SLTM: variants seen among roughly 807,000 people sequenced by gnomAD.
SLTM encodes SAFB-like transcription modulator.
Under a neutral mutation model 134.6 loss-of-function variants are expected in SLTM, and 43 were observed. That is an observed-to-expected ratio of 0.32 (90% CI 0.25 to 0.41). The LOEUF is 0.41. Among genes scored for constraint, SLTM ranks in the 10% least tolerant of loss-of-function variants. The pLI is 1.00. For missense variants in SLTM, 1,055 were observed against 1,288.8 expected (o/e 0.82, Z 2.78); for synonymous variants, 424 against 432.3 (o/e 0.98, Z 0.24).
chr15:58,918,345 G>A (rs1327160792), intron 2 of SLTM, among the ~76,000 whole-genome samples: 1 of 152,068 alleles, frequency 6.6e-6, no homozygotes, highest in Non-Finnish European at 1.5e-5. Flanking sequence ...CCTAGTTCAA[G>A]CTTCAGTAAT....
Position 58,886,964 on chromosome 15 carries a change from G to T in SLTM, c.2835+11C>A. Reference sequence around the variant, plus strand: ...TGTGCAGGCTCGCGGCAAGCCTCCCGCAGCACTTACCTGTGATCCACCTCC... The same window carrying T: ...TGTGCAGGCTCGCGGCAAGCCTCCCTCAGCACTTACCTGTGATCCACCTCC... On this transcript the variant is annotated intron_variant, in intron 19 of 20. Transcript: ENST00000380516. 6.2e-7 allele frequency: 1 copy of T among 1,611,846 alleles called. No individual in the cohort carries two copies.
chr15:58,933,625 C>T lies in SLTM; in HGVS notation c.-60G>A, dbSNP rs1249417633. 69 of 1,458,824 alleles carry T rather than the reference C, an allele frequency of 4.7e-5. No individual in the cohort carries two copies. The highest frequency in any genetic ancestry group is 5.2e-5 in the Non-Finnish European group (57 of 1,105,974). The allele number at this position is 1,458,824 out of a possible 1,614,324, so 90.4% of individuals were successfully genotyped here. A position where few individuals can be genotyped will look rare whatever the true frequency, so the allele number is the denominator to read the frequency against. On this transcript the variant is annotated 5_prime_UTR_variant, in exon 1 of 21. Transcript: ENST00000380516. ...GGGCTGCAGGGCGGCGGCAGCAGCG[C>T]CAACTTCCACCCAGGCCTCGGCGGC...
At chr15:58,927,704 AC>A (rs1359764709) in intron 2 of SLTM, among the ~76,000 whole-genome samples, 63 of 152,302 alleles carry the variant, frequency 4.1e-4, no homozygotes, top group African/African-American at 1.3e-3. Context: ...TAAATGAAAA[AC>A]TATGTCCTGG....
At chr15:58,908,046 T>A (rs2035994790) in intron 5 of SLTM, among the ~76,000 whole-genome samples, 1 of 130,964 alleles carries the variant, frequency 7.6e-6, no homozygotes, top group African/African-American at 2.8e-5. Context: ...TACATATACA[T>A]AATTTCTTTT....
chr15:58,886,709 T>A (rs1409520916), intron 19 of SLTM, among the ~76,000 whole-genome samples: 3 of 152,230 alleles, frequency 2.0e-5, no homozygotes, highest in Admixed American at 6.5e-5. Context: ...AAATTAACAA[T>A]TCTTAAATTT....
Position 58,933,323 on chromosome 15 carries a change from G to A in SLTM, c.162+81C>T, listed in dbSNP as rs992654727. The A allele has an allele frequency of 2.1e-4, 302 of 1,439,034 alleles. 3 individuals are homozygous for A. In the African/African-American group the frequency reaches 4.0e-3, roughly 19 times the overall value. 89.1% of individuals were successfully genotyped at this position (1,439,034 alleles called of 1,614,324 possible). ...CAGGTCCCAGCGGCTGCGGGCAGCC[G>A]GAGGCTGCGGCGGAAGCGGGGCGCC... On this transcript the variant is annotated intron_variant, in intron 1 of 20. Transcript: ENST00000380516.
intron 5 of SLTM, among the ~76,000 whole-genome samples, 170 bp downstream of exon 5, chr15:58,912,393 G>A (rs774441290): frequency 7.2e-5 from 11 of 152,056 alleles, no homozygotes; most frequent in African/African-American, 2.2e-4. Context: ...GCTACCTAGC[G>A]CGCCCGACCT....
chr15:58,898,730 C>T, intron 8 of SLTM, 73 bp downstream of exon 8: 1 of 1,146,130 alleles, frequency 8.7e-7, no homozygotes, highest in Non-Finnish European at 1.3e-6. Flanking sequence ...AAAGAAAACA[C>T]CGCGCAACTA....
intron 5 of SLTM, among the ~76,000 whole-genome samples, chr15:58,903,188 C>T (rs1986256): frequency 4.6e-5 from 7 of 152,112 alleles, no homozygotes; most frequent in Admixed American, 2.0e-4. Flanking sequence ...GCTGAGCCAC[C>T]GTACACAGCC....
intron 20 of SLTM, among the ~76,000 whole-genome samples, chr15:58,880,539 C>T (rs115613375): frequency 6.6e-6 from 1 of 151,976 alleles, no homozygotes; most frequent in Non-Finnish European, 1.5e-5. Context: ...GCAACCTGTG[C>T]TTTTCTTTGT....
chr15:58,910,423 C>A (rs966534583), intron 5 of SLTM, among the ~76,000 whole-genome samples: 1 of 152,188 alleles, frequency 6.6e-6, no homozygotes, highest in African/African-American at 2.4e-5. Context: ...TTAAAGAAAA[C>A]TTCTCTAAAA....
intron 5 of SLTM, among the ~76,000 whole-genome samples, chr15:58,907,029 C>G (rs1357813880): frequency 1.3e-5 from 2 of 152,010 alleles, no homozygotes; most frequent in African/African-American, 4.8e-5. Context: ...ATGAATTTAC[C>G]TATAAAATGG....
chr15:58,922,394 A>AAAAAAAAAAAAC (rs2037123162), intron 2 of SLTM, among the ~76,000 whole-genome samples: 1 of 146,738 alleles, frequency 6.8e-6, no homozygotes, highest in African/African-American at 2.5e-5. Context: ...AAAAAAAAAA[A>AAAAAAAAAAAAC]AAAAAGCTAT....
chr15:58,894,350 A>T, intron 10 of SLTM, 83 bp downstream of exon 10: 1 of 1,502,146 alleles, frequency 6.7e-7, no homozygotes, highest in Non-Finnish European at 9.1e-7. Context: ...TGCAAATTCT[A>T]CTCCCTGCTA....
At chr15:58,922,266 A>G (rs906022927) in intron 2 of SLTM, among the ~76,000 whole-genome samples, 1 of 142,992 alleles carries the variant, frequency 7.0e-6, no homozygotes, top group Admixed American at 7.6e-5. Flanking sequence ...AATCCCAGCT[A>G]TTTGGGAGGC....
At chr15:58,896,578 T>A (rs1179896115) in intron 9 of SLTM, among the ~76,000 whole-genome samples, 1 of 151,884 alleles carries the variant, frequency 6.6e-6, no homozygotes, top group Admixed American at 6.6e-5. Context: ...AAAAAAAAAG[T>A]TTATATATAA....
chr15:58,910,742 TC>T (rs372248345), intron 5 of SLTM, among the ~76,000 whole-genome samples: 3 of 146,054 alleles, frequency 2.1e-5, no homozygotes, highest in Admixed American at 6.8e-5. Flanking sequence ...TCTCATAGAT[TC>T]TTTTTTTTTT....
chr15:58,894,190 T>TCAGG lies in SLTM; in HGVS notation c.1380_1381insCCTG (p.Lys461ProfsTer4). 1 of 1,603,294 alleles carries TCAGG rather than the reference T, an allele frequency of 6.2e-7. No individual in the cohort carries two copies. The highest frequency in any genetic ancestry group is 8.5e-7 in the Non-Finnish European group (1 of 1,173,814). ...ATTTCTTTCTTAGAGGGATCACCTT[T>TCAGG]TACCTGAAAGGTTCGAACCAGAAAA... On this transcript the variant is annotated frameshift_variant, in exon 11 of 21. Transcript: ENST00000380516. LOFTEE classifies it high-confidence loss of function.
chr15:58,916,416 C>A (rs1281045568), intron 3 of SLTM, among the ~76,000 whole-genome samples: 2 of 152,172 alleles, frequency 1.3e-5, no homozygotes, highest in African/African-American at 4.8e-5. Context: ...TCAAGTGATC[C>A]GCCCGCCTAG....
Sources: gnomAD v4.1 joint callset for allele counts (sites outside exome capture counted in the v4.1 genomes callset) on GRCh38, gnomAD v4.1.1 for gene constraint, MANE v1.5 for transcripts, NCBI Gene and HGNC (gene_info 2026-07-23, HGNC 2026-07-21) for gene names.